Variants in KCNMB4 observed in about 807,000 individuals in gnomAD.
KCNMB4 encodes calcium-activated potassium channel subunit beta-4.
A neutral mutation model predicts 20.7 loss-of-function variants in KCNMB4; 3 were observed. That is an observed-to-expected ratio of 0.14 (90% CI 0.07 to 0.37). The LOEUF (loss-of-function observed/expected upper bound fraction) is 0.37, where lower values mean the gene tolerates loss of function less well. Ranked by LOEUF, KCNMB4 falls within the 10% of genes least tolerant of loss-of-function variation. The pLI is 1.00. For synonymous variants in KCNMB4, 110 were observed against 113.4 expected (o/e 0.97, Z 0.19); for missense variants, 168 against 265.9 (o/e 0.63, Z 2.56).
intron 2 of KCNMB4, among the ~76,000 whole-genome samples, chr12:70,412,369 C>T (rs996435905): frequency 2.0e-5 from 3 of 152,210 alleles, no homozygotes; most frequent in African/African-American, 7.2e-5. Flanking sequence ...CTTCCTGGCA[C>T]TCTTGTGGAA....
intron 1 of KCNMB4, among the ~76,000 whole-genome samples, chr12:70,374,725 T>C (rs1883656010): frequency 1.3e-5 from 2 of 152,314 alleles, no homozygotes; most frequent in South Asian, 4.1e-4. Flanking sequence ...CTCTTTATAC[T>C]GAAGCACATG....
At chr12:70,369,465 A>T (rs1344899916) in intron 1 of KCNMB4, among the ~76,000 whole-genome samples, 1 of 152,042 alleles carries the variant, frequency 6.6e-6, no homozygotes, top group Non-Finnish European at 1.5e-5. Context: ...TTACCTCTTT[A>T]TTGAAGGCCT....
In KCNMB4 at chr12:70,431,242, A is replaced by C. The variant is rs1043781696; in HGVS notation, c.*589A>C. 2 of 152,152 alleles carry C rather than the reference A, an allele frequency of 1.3e-5. No homozygotes were observed. Among genetic ancestry groups the C allele is most frequent in the Non-Finnish European group, 2.9e-5 (2 of 68,044 alleles). 9.4% of individuals were successfully genotyped at this position (152,152 alleles called of 1,614,324 possible). On this transcript the variant is annotated 3_prime_UTR_variant, in exon 3 of 3. Coordinates refer to ENST00000258111, the MANE Select transcript of KCNMB4 (RefSeq NM_014505.6). ...ATAGTATACTGGTAACTCAGTCTCC[A>C]GTCACCTCTGTGTCTCTTAAGCAAG... is the stretch of plus-strand genomic sequence containing the variant.
At chr12:70,424,398 G>A (rs1221746885) in intron 2 of KCNMB4, among the ~76,000 whole-genome samples, 3 of 149,820 alleles carry the variant, frequency 2.0e-5, no homozygotes, top group African/African-American at 4.9e-5. Context: ...CCGAGATCGC[G>A]CCACTGCAGT....
intron 1 of KCNMB4, among the ~76,000 whole-genome samples, chr12:70,378,957 A>G (rs375325407): frequency 6.6e-5 from 10 of 152,178 alleles, no homozygotes. Flanking sequence ...ATACATCTCC[A>G]TCAGAGCTCT....
At chr12:70,424,875 G>A (rs943152214) in intron 2 of KCNMB4, among the ~76,000 whole-genome samples, 5 of 152,158 alleles carry the variant, frequency 3.3e-5, no homozygotes, top group African/African-American at 4.8e-5. Context: ...AGACAAGCAC[G>A]CTCTGCTGCT....
intron 2 of KCNMB4, among the ~76,000 whole-genome samples, chr12:70,407,733 C>G (rs537416766): frequency 2.5e-4 from 38 of 152,008 alleles, no homozygotes; most frequent in African/African-American, 8.7e-4. Context: ...TCCCAAAGTG[C>G]TGGGATTACA....
chr12:70,399,768 G>A (rs891848967), intron 1 of KCNMB4, among the ~76,000 whole-genome samples: 3 of 152,198 alleles, frequency 2.0e-5, no homozygotes, highest in African/African-American at 7.2e-5. Context: ...GCAGTTAGGA[G>A]CAGTATCCTG....
At chr12:70,405,103 A>G (rs1868562296) in intron 2 of KCNMB4, among the ~76,000 whole-genome samples, 1 of 152,218 alleles carries the variant, frequency 6.6e-6, no homozygotes, top group Non-Finnish European at 1.5e-5. Context: ...TAATTTAGGT[A>G]CAGCCTTTGA....
chr12:70,425,658 C>T (rs1565868014), intron 2 of KCNMB4, among the ~76,000 whole-genome samples: 1 of 152,150 alleles, frequency 6.6e-6, no homozygotes, highest in African/African-American at 2.4e-5. Flanking sequence ...TGGGAAAGAT[C>T]ACATGTCAGG....
At chr12:70,370,111 G>C (rs1450727140) in intron 1 of KCNMB4, among the ~76,000 whole-genome samples, 1 of 152,008 alleles carries the variant, frequency 6.6e-6, no homozygotes, top group Non-Finnish European at 1.5e-5. Flanking sequence ...GGTGGGGCCT[G>C]GGCATTGATG....
intron 2 of KCNMB4, among the ~76,000 whole-genome samples, chr12:70,410,509 T>C (rs1173256833): frequency 6.6e-6 from 1 of 152,248 alleles, no homozygotes; most frequent in Non-Finnish European, 1.5e-5. Flanking sequence ...TTCTCCTCTA[T>C]CACTGATTAA....
intron 2 of KCNMB4, among the ~76,000 whole-genome samples, chr12:70,430,038 CTT>C (rs66539156): frequency 8.8e-5 from 13 of 147,086 alleles, no homozygotes; most frequent in African/African-American, 1.5e-4. Flanking sequence ...TTTAACTGAC[CTT>C]TTTTTTTTTT....
chr12:70,394,074 A>G (rs1364558294), intron 1 of KCNMB4, among the ~76,000 whole-genome samples: 1 of 152,192 alleles, frequency 6.6e-6, no homozygotes, highest in Non-Finnish European at 1.5e-5. Flanking sequence ...TGCTACTATT[A>G]CTACACTGCT....
In KCNMB4 at chr12:70,400,335, A is replaced by C; in HGVS notation, c.463A>C (p.Arg155=). The C allele has an allele frequency of 6.2e-7, 1 of 1,605,312 alleles. No individual in the cohort carries two copies. Among genetic ancestry groups the C allele is most frequent in the Non-Finnish European group, 8.5e-7 (1 of 1,177,622 alleles). ...PFTCYFNQHQ[R]PDDVLLHRTH... is the part of the protein sequence containing the mutation. The stretch of plus-strand genomic sequence containing the variant: ...TACTTGCTATTTTAATCAACATCAA[A>C]GGTAAGTCAATATTTGCATGTGCGT... Residue 155 remains arginine (R), a splice_region_variant and synonymous_variant, in exon 2 of 3, where the codon AGA becomes CGA. Coordinates refer to ENST00000258111, the MANE Select transcript of KCNMB4 (RefSeq NM_014505.6).
At chr12:70,428,913 G>A (rs1010478083) in intron 2 of KCNMB4, among the ~76,000 whole-genome samples, 6 of 152,106 alleles carry the variant, frequency 3.9e-5, no homozygotes, top group African/African-American at 1.2e-4. Flanking sequence ...AAATGACTGC[G>A]TTTACTTAAT....
At chr12:70,385,290 T>C (rs775716157) in intron 1 of KCNMB4, among the ~76,000 whole-genome samples, 3 of 152,174 alleles carry the variant, frequency 2.0e-5, no homozygotes, top group Non-Finnish European at 4.4e-5. Context: ...TCTGGCACAG[T>C]CTCTGGAGGA....
At chr12:70,427,724 A>G (rs1869249871) in intron 2 of KCNMB4, among the ~76,000 whole-genome samples, 1 of 152,092 alleles carries the variant, frequency 6.6e-6, no homozygotes, top group South Asian at 2.1e-4. Flanking sequence ...CTTTTTACTC[A>G]CATTCTTTTT....
intron 1 of KCNMB4, among the ~76,000 whole-genome samples, chr12:70,373,946 T>C (rs980860576): frequency 6.6e-6 from 1 of 152,212 alleles, no homozygotes; most frequent in African/African-American, 2.4e-5. Flanking sequence ...AATTTAAGTA[T>C]GTGCTTTAGG....
Sources: allele counts gnomAD v4.1 joint callset (sites outside exome capture counted in the v4.1 genomes callset), GRCh38; gene constraint gnomAD v4.1.1; transcripts MANE v1.5; gene names NCBI Gene and HGNC (gene_info 2026-07-23, HGNC 2026-07-21).